PPARGC1A: variants seen among roughly 807,000 people sequenced by gnomAD.
The protein encoded by PPARGC1A is peroxisome proliferator-activated receptor gamma coactivator 1-alpha.
Under a neutral mutation model 88.7 loss-of-function variants are expected in PPARGC1A, and 25 were observed. The observed-to-expected ratio is 0.28, with a 90% CI of 0.21 to 0.39. The LOEUF is 0.39. Among genes scored for constraint, PPARGC1A ranks in the 10% least tolerant of loss-of-function variants. The pLI is 1.00. For synonymous variants in PPARGC1A, 363 were observed against 355.6 expected (o/e 1.02, Z -0.24); for missense variants, 880 against 968.7 (o/e 0.91, Z 1.22).
the PPARGC1A span, among the ~76,000 whole-genome samples, chr4:24,040,536 C>T: frequency 6.6e-6 from 1 of 152,078 alleles, no homozygotes; most frequent in Non-Finnish European, 1.5e-5. Context: ...GTTCTATTGG[C>T]TTCGGATATT....
the PPARGC1A span, among the ~76,000 whole-genome samples, chr4:24,250,860 T>C: frequency 6.6e-6 from 1 of 152,196 alleles, no homozygotes; most frequent in Non-Finnish European, 1.5e-5. Context: ...GTACAGGATT[T>C]CTTGTTGTTT....
chr4:24,141,426 A>G, the PPARGC1A span, among the ~76,000 whole-genome samples: 3 of 152,252 alleles, frequency 2.0e-5, no homozygotes, highest in African/African-American at 7.2e-5. Context: ...TGCTGGGCTT[A>G]TAGAGTATAA....
chr4:23,792,043 C>A lies in PPARGC1A; in HGVS notation c.*3779G>T, dbSNP rs1268013597. ...AAGTAGATTTGAAACATTCGTTTCC[C>A]TTTATTAGCTCAGTGAGGCTGATGT... On this transcript the variant is annotated 3_prime_UTR_variant, in exon 13 of 13. Transcript: ENST00000264867. The A allele has an allele frequency of 6.6e-6, 1 of 152,464 alleles. No homozygotes were observed. The highest frequency in any genetic ancestry group is 1.5e-5 in the Non-Finnish European group (1 of 67,994). The allele number at this position is 152,464 out of a possible 1,614,324, so 9.4% of individuals were successfully genotyped here.
chr4:24,223,250 ATTTTT>A, the PPARGC1A span, among the ~76,000 whole-genome samples: 1 of 135,382 alleles, frequency 7.4e-6, no homozygotes, highest in Non-Finnish European at 1.5e-5. Context: ...ACTTTTGTGG[ATTTTT>A]TTTTTTTTTT....
the PPARGC1A span, among the ~76,000 whole-genome samples, chr4:24,192,392 C>T: frequency 1.3e-5 from 2 of 152,162 alleles, no homozygotes; most frequent in African/African-American, 4.8e-5. Context: ...GTACGCCTTA[C>T]CCCCAGTGCT....
the PPARGC1A span, among the ~76,000 whole-genome samples, chr4:24,201,349 A>AC: frequency 6.6e-6 from 1 of 152,202 alleles, no homozygotes; most frequent in Non-Finnish European, 1.5e-5. Flanking sequence ...GCCAACCCTC[A>AC]CCCCCACTAA....
chr4:24,337,212 CCT>C, the PPARGC1A span, among the ~76,000 whole-genome samples: 1 of 152,224 alleles, frequency 6.6e-6, no homozygotes, highest in Non-Finnish European at 1.5e-5. Flanking sequence ...GCCCATCTTT[CCT>C]CTGACTCTCA....
the PPARGC1A span, among the ~76,000 whole-genome samples, chr4:24,424,682 G>T: frequency 6.6e-6 from 1 of 152,162 alleles, no homozygotes; most frequent in South Asian, 2.1e-4. Flanking sequence ...CAGTTAGAAT[G>T]CCATAGTCCC....
chr4:24,339,811 T>C, the PPARGC1A span, among the ~76,000 whole-genome samples: 2 of 152,208 alleles, frequency 1.3e-5, no homozygotes, highest in Non-Finnish European at 2.9e-5. Context: ...CGATCTCGGC[T>C]CACTGCAACG....
chr4:24,451,659 C>T, the PPARGC1A span, among the ~76,000 whole-genome samples: 1 of 152,158 alleles, frequency 6.6e-6, no homozygotes, highest in Non-Finnish European at 1.5e-5. Flanking sequence ...CTTACTGCAA[C>T]CTCTGCCTCC....
chr4:24,114,078 C>T, the PPARGC1A span, among the ~76,000 whole-genome samples: 6 of 137,476 alleles, frequency 4.4e-5, no homozygotes, highest in Non-Finnish European at 9.1e-5. Flanking sequence ...GAGCCGAGAT[C>T]GTGCCACTGC....
chr4:24,163,296 T>C, the PPARGC1A span, among the ~76,000 whole-genome samples: 5 of 151,532 alleles, frequency 3.3e-5, no homozygotes, highest in African/African-American at 1.2e-4. Flanking sequence ...AAATTAGTTG[T>C]CAAGTTTCAA....
chr4:24,284,891 G>T, the PPARGC1A span, among the ~76,000 whole-genome samples: 1 of 152,098 alleles, frequency 6.6e-6, no homozygotes, highest in African/African-American at 2.4e-5. Context: ...AGGTGGGCAT[G>T]GTGGCAGGTG....
chr4:23,828,362 G>C (rs756154567), intron 5 of PPARGC1A, 38 bp downstream of exon 5: 1 of 1,567,906 alleles, frequency 6.4e-7, no homozygotes, highest in Non-Finnish European at 8.8e-7. Context: ...TTTGCTTCCA[G>C]TGCCCTCACC....
intron 10 of PPARGC1A, among the ~76,000 whole-genome samples, chr4:23,812,435 TCAGA>T (rs1169636465): frequency 1.3e-5 from 2 of 152,074 alleles, no homozygotes; most frequent in Non-Finnish European, 2.9e-5. Flanking sequence ...TATCCTGTGA[TCAGA>T]AAGAACAAAT....
the PPARGC1A span, among the ~76,000 whole-genome samples, chr4:24,327,147 C>T: frequency 6.6e-6 from 1 of 152,302 alleles, no homozygotes; most frequent in Non-Finnish European, 1.5e-5. Context: ...AGAAGTCAGA[C>T]CTGTCCTCAG....
the PPARGC1A span, among the ~76,000 whole-genome samples, chr4:24,316,511 GATATTA>G: frequency 6.6e-6 from 1 of 152,190 alleles, no homozygotes; most frequent in Non-Finnish European, 1.5e-5. Flanking sequence ...ACTTTTCCTA[GATATTA>G]ATATAAGAAT....
intron 10 of PPARGC1A, among the ~76,000 whole-genome samples, chr4:23,806,166 C>T (rs188531436): frequency 4.6e-4 from 70 of 152,246 alleles, no homozygotes; most frequent in Admixed American, 2.2e-3. Context: ...TGCCTCACTA[C>T]CTTACAAAGA....
At chr4:24,444,774 C>T in the PPARGC1A span, among the ~76,000 whole-genome samples, 1 of 152,062 alleles carries the variant, frequency 6.6e-6, no homozygotes, top group East Asian at 1.9e-4. Flanking sequence ...AACAAAGAGA[C>T]AAAAGCCAGG....
Sources: gnomAD v4.1 joint callset for allele counts (sites outside exome capture counted in the v4.1 genomes callset) on GRCh38, gnomAD v4.1.1 for gene constraint, MANE v1.5 for transcripts, NCBI Gene and HGNC (gene_info 2026-07-23, HGNC 2026-07-21) for gene names.